The following ABHD6 variants were observed in gnomAD, a reference collection of about 807,000 sequenced individuals.
ABHD6 encodes abhydrolase domain containing 6, acylglycerol lipase.
A neutral mutation model predicts 38.8 loss-of-function variants in ABHD6; 33 were observed. The ratio of observed to expected loss-of-function variants is 0.85; its 90% CI spans 0.64 to 1.14. ABHD6 has a LOEUF of 1.14. Among genes scored for constraint, ABHD6 ranks in the 50% most tolerant of loss-of-function variants. ABHD6 has a pLI of 0.00. For synonymous variants in ABHD6, 147 were observed against 161.6 expected, an observed-to-expected ratio of 0.91 and a Z score of 0.69; for missense variants, 380 against 422.6, an observed-to-expected ratio of 0.90 and a Z score of 0.88.
chr3:58,263,703 C>T lies in ABHD6; in HGVS notation c.120-3486C>T, dbSNP rs1283336244. Reference sequence around the variant, plus strand: ...AGTATCCAGTAGTCTGCTGAAGTTTCACCTTTTCCACCAGGTCCTTCCAGC... The same window carrying T: ...AGTATCCAGTAGTCTGCTGAAGTTTTACCTTTTCCACCAGGTCCTTCCAGC... On this transcript the variant is annotated intron_variant, in intron 3 of 9. Coordinates refer to ENST00000478253, the MANE Select transcript of ABHD6 (RefSeq NM_001320126.2). The surrounding 1 kb of genome is among the most constrained non-coding windows in gnomAD (Gnocchi z 4.9). Among the ~76,000 whole-genome samples the T allele has an allele frequency of 1.3e-5, 2 of 152,236 alleles. No homozygotes were observed. The highest frequency in any genetic ancestry group is 4.8e-5 in the African/African-American group (2 of 41,458).
Position 58,253,167 on chromosome 3 carries a change from GTT to G in ABHD6, c.-26+3236_-26+3237del, listed in dbSNP as rs5849245. On this transcript the variant is annotated intron_variant, in intron 2 of 9. Transcript: ENST00000478253. ...GCAGGCACCGACAGAGCACAGAGGG[GTT>G]TTTTTTTTTTGATGATCATGCCTTC... 1.8e-3 allele frequency among the ~76,000 whole-genome samples: 265 copies of G among 148,276 alleles called. 1 individual carries two copies. Among genetic ancestry groups the G allele is most frequent in the African/African-American group, 5.0e-3 (203 of 40,492 alleles).
chr3:58,256,562 G>T lies in ABHD6; in HGVS notation c.-25G>T. 6.4e-7 allele frequency: 1 copy of T among 1,562,826 alleles called. No individual in the cohort carries two copies. The highest frequency in any genetic ancestry group is 8.8e-7 in the Non-Finnish European group (1 of 1,135,326). On this transcript the variant is annotated splice_region_variant and 5_prime_UTR_variant, in exon 3 of 10. Transcript: ENST00000478253. The surrounding 1 kb of genome is among the most constrained non-coding windows in gnomAD (Gnocchi z 4.3). ...TCGTCATTCTCTTTGGCCCCTGCAG[G>T]AGTCAGCCAGCCTGAAAGAGCAGGA... is the stretch of plus-strand genomic sequence containing the variant.
At chr3:58,243,114 T>A (rs1176483088) in intron 1 of ABHD6, among the ~76,000 whole-genome samples, 4 of 152,182 alleles carry the variant, frequency 2.6e-5, no homozygotes, top group Non-Finnish European at 4.4e-5. Flanking sequence ...CTTAATCCAG[T>A]CTATCATTGA....
Position 58,284,972 on chromosome 3 carries a change from T to A in ABHD6, c.682-113T>A, listed in dbSNP as rs576243620. ...TTCAGAGGACCAGGCTCTAAAGACCTTGACAGTGCAATAAATTGCTGGACC... is the reference window on the plus strand; with the variant it reads ...TTCAGAGGACCAGGCTCTAAAGACCATGACAGTGCAATAAATTGCTGGACC... On this transcript the variant is annotated intron_variant, in intron 7 of 9. Transcript: ENST00000478253. 13 of 957,432 alleles carry A rather than the reference T, an allele frequency of 1.4e-5. No individual in the cohort carries two copies. The Admixed American group carries it at 1.6e-4, about 12-fold the overall frequency. 59.3% of individuals were successfully genotyped at this position (957,432 alleles called of 1,614,324 possible).
rs1223289797 is a variant in ABHD6, at chr3:58,285,763, T to A, written c.837+310T>A. Among the ~76,000 whole-genome samples the A allele has an allele frequency of 1.3e-5, 2 of 152,224 alleles. No individual in the cohort carries two copies. Among genetic ancestry groups the A allele is most frequent in the Non-Finnish European group, 2.9e-5 (2 of 68,038 alleles). ...ACACCAAAAGGTTTATAATGAAAAC[T>A]TTTCTTTTTCGCATCCCAAATTCCA... On this transcript the variant is annotated intron_variant, in intron 9 of 9. Coordinates refer to ENST00000478253, the MANE Select transcript of ABHD6 (RefSeq NM_001320126.2). This position sits in a 1 kb window ranked among gnomAD's most constrained non-coding sequence, Gnocchi z 4.9.
At position 58,251,871 on chromosome 3, in the gene ABHD6, C is replaced by T. The variant is rs2097430154; in HGVS notation, c.-26+1929C>T. On this transcript the variant is annotated intron_variant, in intron 2 of 9. Coordinates refer to ENST00000478253, the MANE Select transcript of ABHD6 (RefSeq NM_001320126.2). This position sits in a 1 kb window ranked among gnomAD's most constrained non-coding sequence, Gnocchi z 5.4. ...ACATGATCAAGCACCAAGTCTTTGC[C>T]AGGTGATGTTTTAGGTTCTGGGAAC... Among the ~76,000 whole-genome samples the T allele has an allele frequency of 6.6e-6, 1 of 152,144 alleles. No individual in the cohort carries two copies. The highest frequency in any genetic ancestry group is 1.5e-5 in the Non-Finnish European group (1 of 68,022).
rs1007661988 is a variant in ABHD6 at position 58,273,425 on chromosome 3, CAT to C, written c.524-1230_524-1229del. 5.3e-5 allele frequency among the ~76,000 whole-genome samples: 8 copies of C among 152,216 alleles called. No individual in the cohort carries two copies. The highest frequency in any genetic ancestry group is 1.7e-4 in the African/African-American group (7 of 41,532). On this transcript the variant is annotated intron_variant, in intron 6 of 9. Transcript: ENST00000478253. The surrounding 1 kb of genome is among the most constrained non-coding windows in gnomAD (Gnocchi z 4.8). ...ATTAAAAAAAAATCTAACATTCACA[CAT>C]ATGTTTATTGCAGCACTATTTACGA...
At chr3:58,275,403 C>T (rs535444838) in intron 7 of ABHD6, among the ~76,000 whole-genome samples, 1 of 149,530 alleles carries the variant, frequency 6.7e-6, no homozygotes, top group Non-Finnish European at 1.5e-5. Flanking sequence ...GATCTCGGCT[C>T]ACTGCAACCT....
intron 7 of ABHD6, among the ~76,000 whole-genome samples, chr3:58,284,288 C>G (rs142842493): frequency 3.9e-5 from 6 of 152,246 alleles, no homozygotes; most frequent in African/African-American, 1.2e-4. Context: ...GGCTGTTGAA[C>G]CCTCCCAGTG....
intron 7 of ABHD6, among the ~76,000 whole-genome samples, chr3:58,279,862 T>C (rs897498208): frequency 1.3e-5 from 2 of 152,228 alleles, no homozygotes; most frequent in African/African-American, 2.4e-5. Context: ...TTAGTTTGGC[T>C]GGATATGAAA....
At chr3:58,252,976 G>T (rs923283706) in intron 2 of ABHD6, among the ~76,000 whole-genome samples, 3 of 152,164 alleles carry the variant, frequency 2.0e-5, no homozygotes, top group African/African-American at 7.2e-5. Flanking sequence ...CTAAGGTCTG[G>T]ATTTATTTGA....
At chr3:58,281,913 C>T (rs1169117002) in intron 7 of ABHD6, among the ~76,000 whole-genome samples, 1 of 152,056 alleles carries the variant, frequency 6.6e-6, no homozygotes, top group East Asian at 1.9e-4. Context: ...ACTAGGAGTT[C>T]AAGACCAGCC....
rs187619059 is a variant in ABHD6 at position 58,243,513 on chromosome 3, G to T, written c.-91+5597G>T. 4.0e-3 allele frequency among the ~76,000 whole-genome samples: 610 copies of T among 152,136 alleles called. 6 individuals carry two copies. Among genetic ancestry groups the T allele is most frequent in the African/African-American group, 0.014 (569 of 41,474 alleles). Reference sequence around the variant, plus strand: ...AAGATTTTTTAAAGGAGAACTGGGGGTAGACAGAGGACGTCTTATAGGTAG... The same window carrying T: ...AAGATTTTTTAAAGGAGAACTGGGGTTAGACAGAGGACGTCTTATAGGTAG... On this transcript the variant is annotated intron_variant, in intron 1 of 9. Coordinates refer to ENST00000478253, the MANE Select transcript of ABHD6 (RefSeq NM_001320126.2).
rs534132423 is a variant in ABHD6, at chr3:58,278,324, T to C, written c.681+3509T>C. Reference sequence around the variant, plus strand: ...GAGATTCAACTTCTTCCTGGTTTAGTCTTGGGAGGGTGTATGTGTCCAGGA... The same window carrying C: ...GAGATTCAACTTCTTCCTGGTTTAGCCTTGGGAGGGTGTATGTGTCCAGGA... On this transcript the variant is annotated intron_variant, in intron 7 of 9. Coordinates refer to ENST00000478253, the MANE Select transcript of ABHD6 (RefSeq NM_001320126.2). Among the ~76,000 whole-genome samples, 10 of 152,350 alleles carry C rather than the reference T, an allele frequency of 6.6e-5. No individual in the cohort carries two copies. In the South Asian group the frequency reaches 2.1e-3, roughly 32 times the overall value.
intron 7 of ABHD6, among the ~76,000 whole-genome samples, chr3:58,279,430 T>C (rs1433962531): frequency 1.3e-5 from 2 of 152,204 alleles, no homozygotes; most frequent in Non-Finnish European, 2.9e-5. Flanking sequence ...CCCTGCTTTT[T>C]TTTTGCTTTC....
At chr3:58,289,174 C>T (rs1304228715) in intron 9 of ABHD6, among the ~76,000 whole-genome samples, 1 of 152,170 alleles carries the variant, frequency 6.6e-6, no homozygotes, top group Non-Finnish European at 1.5e-5. Context: ...CCCACCTCAG[C>T]CTCCCAGGCA....
chr3:58,285,568 A>G lies in ABHD6; in HGVS notation c.837+115A>G. The G allele has an allele frequency of 2.3e-6, 2 of 884,766 alleles. No homozygotes were observed. Among genetic ancestry groups the G allele is most frequent in the African/African-American group, 1.6e-5 (1 of 60,918 alleles). The allele number at this position is 884,766 out of a possible 1,614,324, so 54.8% of individuals were successfully genotyped here. On this transcript the variant is annotated intron_variant, in intron 9 of 9. Coordinates refer to ENST00000478253, the MANE Select transcript of ABHD6 (RefSeq NM_001320126.2). This position sits in a 1 kb window ranked among gnomAD's most constrained non-coding sequence, Gnocchi z 4.9. ...GAGTGAGCTGATCGCTGCTGTCAGG[A>G]AGAGGGGGAAGGCACCTGTGTTGGG...
At chr3:58,270,882 C>T (rs781073059) in intron 5 of ABHD6, 50 bp from the exon 6 acceptor site, 1 of 1,538,008 alleles carries the variant, frequency 6.5e-7, no homozygotes, top group Non-Finnish European at 8.7e-7. Flanking sequence ...GTCACCATTG[C>T]CATTGTCTAC....
intron 5 of ABHD6, among the ~76,000 whole-genome samples, chr3:58,270,487 T>G (rs1575524543): frequency 1.5e-5 from 2 of 135,666 alleles, no homozygotes; most frequent in Admixed American, 7.9e-5. Flanking sequence ...GACAATATGG[T>G]GAAACCTCAT....
Sources: gnomAD v4.1 joint callset for allele counts (sites outside exome capture counted in the v4.1 genomes callset) on GRCh38, gnomAD v4.1.1 for gene constraint, Gnocchi (gnomAD v3.1) non-coding constraint, MANE v1.5 for transcripts, NCBI Gene and HGNC (gene_info 2026-07-23, HGNC 2026-07-21) for gene names.